XRN1: variants seen among roughly 807,000 people sequenced by gnomAD.
XRN1 encodes 5'-3' exoribonuclease 1.
A neutral mutation model predicts 222.3 loss-of-function variants in XRN1; 67 were observed. That is an observed-to-expected ratio of 0.30 (90% confidence interval 0.25 to 0.37). The LOEUF (loss-of-function observed/expected upper bound fraction) is 0.37. Among genes scored for constraint, XRN1 ranks in the 10% least tolerant of loss-of-function variants. The pLI is 1.00. For synonymous variants in XRN1, 643 were observed against 652.4 expected (o/e 0.99, Z 0.22); for missense variants, 1,707 against 2,000.2 (o/e 0.85, Z 2.80).
intron 33 of XRN1, among the ~76,000 whole-genome samples, chr3:142,346,717 G>A (rs1001560308): frequency 1.3e-5 from 2 of 152,178 alleles, no homozygotes; most frequent in Non-Finnish European, 2.9e-5. Flanking sequence ...CTGGGCTCAA[G>A]TGATCTGCCT....
chr3:142,412,324 T>C (rs899453231), intron 15 of XRN1, among the ~76,000 whole-genome samples: 3 of 152,202 alleles, frequency 2.0e-5, no homozygotes. Flanking sequence ...CCGGTAATAT[T>C]ACTCCTTGTT....
At position 142,318,587 on chromosome 3, in the gene XRN1, C is replaced by A; in HGVS notation, c.4621+5G>T. On this transcript the variant is annotated splice_donor_5th_base_variant and intron_variant, in intron 39 of 40. Coordinates refer to ENST00000392981, the MANE Select transcript of XRN1 (RefSeq NM_001282857.2). ...ACAAATACTTATAAATGAAAAATAT[C>A]TTACCAGTAGGTGGGGGAAAGGCTG... is the stretch of plus-strand genomic sequence containing the variant. 1 of 1,593,894 alleles carries A rather than the reference C, an allele frequency of 6.3e-7. No individual in the cohort carries two copies.
rs71153965 is a variant in XRN1, at chr3:142,431,884, T to TA, written c.308+776_308+777insT. Among the ~76,000 whole-genome samples the TA allele has an allele frequency of 4.3e-3, 273 of 62,820 alleles. 10 individuals are homozygous for TA. Among genetic ancestry groups the TA allele is most frequent in the African/African-American group, 0.028 (266 of 9,394 alleles). The allele number at this position is 62,820 out of a possible 152,430, so 41.2% of individuals were successfully genotyped here. On this transcript the variant is annotated intron_variant, in intron 2 of 40. Coordinates refer to ENST00000392981, the MANE Select transcript of XRN1 (RefSeq NM_001282857.2). The stretch of plus-strand genomic sequence containing the variant: ...TATATAATATATTATATTATATATA[T>TA]TATATATAATATATATATTATATAT...
chr3:142,323,866 AT>A (rs34983908), intron 37 of XRN1, among the ~76,000 whole-genome samples: 25,551 of 149,332 alleles, frequency 0.17, 2,437 homozygotes, highest in Admixed American at 0.22. Context: ...ATTTTTTACT[AT>A]TTTTTTTTTG....
In XRN1 at chr3:142,447,810, G is replaced by T. The variant is rs2070594945; in HGVS notation, c.75+60C>A. On this transcript the variant is annotated intron_variant, in intron 1 of 40. Coordinates refer to ENST00000392981, the MANE Select transcript of XRN1 (RefSeq NM_001282857.2). This position sits in a 1 kb window ranked among gnomAD's most constrained non-coding sequence, Gnocchi z 4.2. ...GCTCGAAAGCCCCAGCTCTAAGGTG[G>T]AGAGGGCCGCGGAGCCCCGGGTCCT... 8.2e-6 allele frequency: 13 copies of T among 1,589,014 alleles called. No individual in the cohort carries two copies. The highest frequency in any genetic ancestry group is 1.1e-5 in the Non-Finnish European group (13 of 1,161,194).
intron 1 of XRN1, among the ~76,000 whole-genome samples, chr3:142,444,120 T>C (rs1011958333): frequency 6.6e-6 from 1 of 151,974 alleles, no homozygotes; most frequent in African/African-American, 2.4e-5. Context: ...GTGGGAAAGG[T>C]TAATGGGTAT....
chr3:142,362,519 C>T (rs887112579), intron 29 of XRN1, among the ~76,000 whole-genome samples: 18 of 152,086 alleles, frequency 1.2e-4, no homozygotes, highest in African/African-American at 3.9e-4. Flanking sequence ...GTGATCCACC[C>T]GCCTTGGCCT....
chr3:142,430,639 G>A (rs1389336347), intron 2 of XRN1, among the ~76,000 whole-genome samples: 1 of 152,010 alleles, frequency 6.6e-6, no homozygotes, highest in Non-Finnish European at 1.5e-5. Flanking sequence ...TCAAAGCACC[G>A]TCCCACCTTC....
At chr3:142,377,478 G>T (rs558453576) in intron 23 of XRN1, among the ~76,000 whole-genome samples, 8 of 152,180 alleles carry the variant, frequency 5.3e-5, no homozygotes, top group Non-Finnish European at 1.2e-4. Flanking sequence ...TTGGAAACGT[G>T]TAGAGGCACA....
intron 39 of XRN1, among the ~76,000 whole-genome samples, chr3:142,313,387 G>A (rs1393065493): frequency 6.6e-6 from 1 of 152,084 alleles, no homozygotes; most frequent in Non-Finnish European, 1.5e-5. Context: ...CCTGGACAGG[G>A]CCTCAGACCT....
intron 20 of XRN1, among the ~76,000 whole-genome samples, chr3:142,392,491 C>G (rs1380668766): frequency 6.6e-6 from 1 of 152,194 alleles, no homozygotes; most frequent in African/African-American, 2.4e-5. Flanking sequence ...CACCCCACAA[C>G]AGTCCCCAGA....
rs759342398 is a variant in XRN1 at position 142,332,530 on chromosome 3, C to A, written c.4067G>T (p.Gly1356Val). ...HLSPQSFAMK[G>V]TRMLKEILKI... Reference sequence around the variant, plus strand: ...TAGAATTTCTTTAAGCATCCGTGTTCCCTTCTTTTTGAAAATGATTCACAT... The same window carrying A: ...TAGAATTTCTTTAAGCATCCGTGTTACCTTCTTTTTGAAAATGATTCACAT... Residue 1356 changes from glycine to valine, a missense_variant, in exon 36 of 41, where the codon GGA becomes GTA. Gly to Val is a moderately radical substitution (Grantham distance 109). Coordinates refer to ENST00000392981, the MANE Select transcript of XRN1 (RefSeq NM_001282857.2). 6 of 1,605,916 alleles carry A rather than the reference C, an allele frequency of 3.7e-6. No homozygotes were observed. Among genetic ancestry groups the A allele is most frequent in the Non-Finnish European group, 5.1e-6 (6 of 1,176,166 alleles).
At chr3:142,443,214 G>A (rs1208345435) in intron 1 of XRN1, among the ~76,000 whole-genome samples, 36 of 152,122 alleles carry the variant, frequency 2.4e-4, no homozygotes, top group Non-Finnish European at 5.0e-4. Flanking sequence ...CACCCCTCCC[G>A]AGGAAATCTC....
chr3:142,363,319 C>T (rs187245453), intron 29 of XRN1, among the ~76,000 whole-genome samples: 4 of 151,098 alleles, frequency 2.6e-5, no homozygotes, highest in Non-Finnish European at 5.9e-5. Context: ...TCAATATATA[C>T]AGCACGATTT....
At chr3:142,353,292 C>A (rs949605359) in intron 32 of XRN1, among the ~76,000 whole-genome samples, 1 of 152,048 alleles carries the variant, frequency 6.6e-6, no homozygotes, top group Non-Finnish European at 1.5e-5. Context: ...GGTCCAGAAA[C>A]TAAGGTCTGA....
intron 12 of XRN1, 57 bp downstream of exon 12, chr3:142,418,447 A>G: frequency 1.4e-6 from 2 of 1,382,864 alleles, no homozygotes; most frequent in Middle Eastern, 1.8e-4. Context: ...TATTTTCTGA[A>G]TAACTGCAAA....
intron 20 of XRN1, among the ~76,000 whole-genome samples, chr3:142,387,532 A>C (rs1242787560): frequency 6.6e-6 from 1 of 152,216 alleles, no homozygotes; most frequent in Non-Finnish European, 1.5e-5. Context: ...TTTCAGGTTC[A>C]GTTCCAGACC....
chr3:142,394,977 T>A (rs983966146), intron 20 of XRN1, among the ~76,000 whole-genome samples: 1 of 152,208 alleles, frequency 6.6e-6, no homozygotes, highest in African/African-American at 2.4e-5. Context: ...CTCAACTTAG[T>A]AGAACATATC....
At position 142,405,024 on chromosome 3, in the gene XRN1, T is replaced by G; in HGVS notation, c.1766A>C (p.Glu589Ala). The G allele has an allele frequency of 6.2e-7, 1 of 1,614,024 alleles. No homozygotes were observed. The highest frequency in any genetic ancestry group is 1.1e-5 in the South Asian group (1 of 91,080). ...ETCNHSLKKE[E>A]RKRNQHSECL... ...CTCACTATGTTGGTTTCTTTTCCTCTCTTCCTTTTTGAGGGAGTGGTTACA... is the reference window on the plus strand; with the variant it reads ...CTCACTATGTTGGTTTCTTTTCCTCGCTTCCTTTTTGAGGGAGTGGTTACA... The change falls in exon 16 of 41, where the codon GAG becomes GCG. Residue 589 changes from glutamate to alanine, a missense_variant. Around this residue, in one of 2 missense-constraint regions of XRN1, gnomAD observed 1,234 missense variants for 1,518.2 expected, o/e 0.81. Transcript: ENST00000392981.
Sources: allele counts gnomAD v4.1 joint callset (sites outside exome capture counted in the v4.1 genomes callset), GRCh38; gene constraint gnomAD v4.1.1; regional missense constraint gnomAD v4.1.1; non-coding constraint Gnocchi (gnomAD v3.1); transcripts MANE v1.5; gene names NCBI Gene and HGNC (gene_info 2026-07-23, HGNC 2026-07-21).